The following DGKI variants were observed in gnomAD, a reference collection of about 807,000 sequenced individuals.
DGKI encodes the protein DAG kinase iota.
In DGKI, 55 loss-of-function variants were observed where a neutral mutation model predicts 147.5. The observed-to-expected ratio is 0.37, with a 90% confidence interval of 0.30 to 0.47. The LOEUF is 0.47. DGKI is among the 20% of genes least tolerant of loss of function. The probability of loss-of-function intolerance (pLI) is 1.00; values close to 1 mark genes in which losing one functional copy is unlikely to be tolerated. For synonymous variants in DGKI, 469 were observed against 477.1 expected, an observed-to-expected ratio of 0.98 and a Z score of 0.22; for missense variants, 1,007 against 1,323.8, an observed-to-expected ratio of 0.76 and a Z score of 3.71.
Position 137,607,778 on chromosome 7 carries a change from T to C in DGKI, c.1167+1188A>G, listed in dbSNP as rs706575. On this transcript the variant is annotated intron_variant, in intron 10 of 32. Transcript: ENST00000614521. Reference sequence around the variant, plus strand: ...ACCTCATTTCAAGGAAACCCATGTCTAGGTCCTCCTCTAATGATGTCTTAG... The same window carrying C: ...ACCTCATTTCAAGGAAACCCATGTCCAGGTCCTCCTCTAATGATGTCTTAG... Among the ~76,000 whole-genome samples, 711 of 152,288 alleles carry C rather than the reference T, an allele frequency of 4.7e-3. 9 individuals carry two copies. The highest frequency in any genetic ancestry group is 0.016 in the African/African-American group (682 of 41,552).
chr7:137,504,922 G>A (rs1187968556), intron 21 of DGKI, among the ~76,000 whole-genome samples: 1 of 152,114 alleles, frequency 6.6e-6, no homozygotes, highest in Non-Finnish European at 1.5e-5. Flanking sequence ...AAAAGAGAGT[G>A]TTAAGAAAAT....
chr7:137,685,540 C>A (rs1823386403), intron 2 of DGKI, among the ~76,000 whole-genome samples: 1 of 152,204 alleles, frequency 6.6e-6, no homozygotes, highest in Non-Finnish European at 1.5e-5. Context: ...GTGGAACAGA[C>A]ATGCTTCTAA....
intron 2 of DGKI, among the ~76,000 whole-genome samples, chr7:137,687,579 T>G: frequency 6.6e-6 from 1 of 152,206 alleles, no homozygotes; most frequent in East Asian, 1.9e-4. Context: ...CACTGAAATA[T>G]TTTTAACAAT....
At chr7:137,491,752 C>T (rs6467707) in intron 21 of DGKI, among the ~76,000 whole-genome samples, 1 of 152,126 alleles carries the variant, frequency 6.6e-6, no homozygotes, top group South Asian at 2.1e-4. Flanking sequence ...TATACAGATA[C>T]TACAGACCAC....
chr7:137,559,568 C>T lies in DGKI; in HGVS notation c.1948-7000G>A, dbSNP rs528076192. 4.7e-4 allele frequency among the ~76,000 whole-genome samples: 71 copies of T among 152,238 alleles called. 1 individual carries two copies. In the South Asian group the frequency reaches 0.014, roughly 29 times the overall value. On this transcript the variant is annotated intron_variant, in intron 19 of 32. Coordinates refer to ENST00000614521, the MANE Select transcript of DGKI (RefSeq NM_001321708.2). ...AATAGTAGCAATTATTGCATACTTA[C>T]TATAAGTCAAAAATTTTTCTATGAA...
In DGKI at chr7:137,390,930, G is replaced by C. The variant is rs1585068351; in HGVS notation, c.*290C>G. The C allele has an allele frequency of 2.5e-6, 1 of 406,850 alleles. No homozygotes were observed. Among genetic ancestry groups the C allele is most frequent in the African/African-American group, 2.1e-5 (1 of 47,798 alleles). The allele number at this position is 406,850 out of a possible 1,614,324, so 25.2% of individuals were successfully genotyped here. A position where few individuals can be genotyped will look rare whatever the true frequency, so the allele number is the denominator to read the frequency against. ...TTGAATCTTTAAAATAAATTATACAGGTGAACACAGAAGTTCATGCTACTT... is the reference window on the plus strand; with the variant it reads ...TTGAATCTTTAAAATAAATTATACACGTGAACACAGAAGTTCATGCTACTT... On this transcript the variant is annotated 3_prime_UTR_variant, in exon 33 of 33. Coordinates refer to ENST00000614521, the MANE Select transcript of DGKI (RefSeq NM_001321708.2).
At chr7:137,843,289 A>C (rs1475630780) in intron 1 of DGKI, 5 of 349,082 alleles carry the variant, frequency 1.4e-5, no homozygotes, top group Admixed American at 6.5e-5. Flanking sequence ...AAAAAAAAAA[A>C]CAGTTCCTAC....
At chr7:137,561,875 C>T (rs907018279) in intron 19 of DGKI, among the ~76,000 whole-genome samples, 21 of 152,032 alleles carry the variant, frequency 1.4e-4, no homozygotes, top group African/African-American at 1.9e-4. Flanking sequence ...TAAAGCAAGA[C>T]GAACAAAAAC....
chr7:137,732,186 A>G (rs1357810298), intron 1 of DGKI, among the ~76,000 whole-genome samples: 2 of 152,054 alleles, frequency 1.3e-5, no homozygotes, highest in Admixed American at 1.3e-4. Flanking sequence ...TCACTTTACA[A>G]TATATATAGT....
At chr7:137,654,850 C>T (rs1457902236) in intron 4 of DGKI, 62 bp from the exon 5 acceptor site, 9 of 1,005,256 alleles carry the variant, frequency 9.0e-6, no homozygotes, top group Admixed American at 2.4e-5. Flanking sequence ...ACTGAATTAC[C>T]TGAAAAAAAA....
chr7:137,701,840 AC>A (rs1823995053), intron 1 of DGKI, among the ~76,000 whole-genome samples: 1 of 152,190 alleles, frequency 6.6e-6, no homozygotes, highest in African/African-American at 2.4e-5. Flanking sequence ...AATAAAAAAA[AC>A]ATAAAATAGC....
At chr7:137,618,151 A>ATATATATTTTTTTTTTTTTTT in intron 8 of DGKI, among the ~76,000 whole-genome samples, 1 of 10,450 alleles carries the variant, frequency 9.6e-5, no homozygotes, top group African/African-American at 1.3e-4. Flanking sequence ...ATATATATAT[A>ATATATATTTTTTTTTTTTTTT]TTTTTTTTTT....
intron 1 of DGKI, among the ~76,000 whole-genome samples, chr7:137,796,344 C>T (rs1190451765): frequency 6.6e-6 from 1 of 151,902 alleles, no homozygotes; most frequent in Non-Finnish European, 1.5e-5. Flanking sequence ...CTAAAAGATA[C>T]AAAAAATTAG....
chr7:137,735,105 A>G (rs935975099), intron 1 of DGKI, among the ~76,000 whole-genome samples: 1 of 152,036 alleles, frequency 6.6e-6, no homozygotes, highest in Non-Finnish European at 1.5e-5. Flanking sequence ...TCCATCTTTT[A>G]TGCTGAAATT....
intron 20 of DGKI, among the ~76,000 whole-genome samples, chr7:137,524,710 T>A (rs558131132): frequency 2.0e-5 from 3 of 152,248 alleles, no homozygotes; most frequent in East Asian, 3.9e-4. Flanking sequence ...CAGACCCTAA[T>A]AGGAGAAGTT....
intron 29 of DGKI, among the ~76,000 whole-genome samples, chr7:137,410,839 C>A (rs998004036): frequency 1.3e-5 from 2 of 152,144 alleles, no homozygotes; most frequent in African/African-American, 4.8e-5. Flanking sequence ...TGGGCTTAAT[C>A]CACTGGTAAG....
intron 1 of DGKI, among the ~76,000 whole-genome samples, chr7:137,804,118 A>C (rs1320055539): frequency 3.9e-5 from 6 of 152,180 alleles, no homozygotes; most frequent in Non-Finnish European, 8.8e-5. Context: ...AGTACCCAGC[A>C]AATGCCTGGC....
At chr7:137,788,609 A>G (rs1434750230) in intron 1 of DGKI, among the ~76,000 whole-genome samples, 2 of 149,064 alleles carry the variant, frequency 1.3e-5, no homozygotes, top group Non-Finnish European at 3.0e-5. Flanking sequence ...ATTGGTTGGA[A>G]TGCCCTGCAT....
intron 27 of DGKI, chr7:137,453,189 T>C (rs1346598259): frequency 6.6e-6 from 1 of 152,212 alleles, no homozygotes. Context: ...AAAGGTATGA[T>C]TTACTGTGCT....
Sources: allele counts gnomAD v4.1 joint callset (sites outside exome capture counted in the v4.1 genomes callset), GRCh38; gene constraint gnomAD v4.1.1; transcripts MANE v1.5; gene names NCBI Gene and HGNC (gene_info 2026-07-23, HGNC 2026-07-21).